The following FBRSL1 variants were observed in gnomAD, a reference collection of about 807,000 sequenced individuals.
The protein encoded by FBRSL1 is fibrosin-1-like protein.
FBRSL1 carries 51 observed loss-of-function variants against 89.6 expected under a neutral mutation model. The ratio of observed to expected loss-of-function variants is 0.57; its 90% CI spans 0.45 to 0.72. FBRSL1 has a LOEUF of 0.72. Among genes scored for constraint, FBRSL1 ranks in the 30% least tolerant of loss-of-function variants. The pLI, the probability that FBRSL1 is intolerant of heterozygous loss-of-function variation, is 0.00. For synonymous variants in FBRSL1, 779 were observed against 681.1 expected, an observed-to-expected ratio of 1.14 and a Z score of -2.24; for missense variants, 1,618 against 1,451.8, an observed-to-expected ratio of 1.11 and a Z score of -1.86.
chr12:132,568,953 C>T (rs571787501), intron 6 of FBRSL1, among the ~76,000 whole-genome samples: 6 of 152,170 alleles, frequency 3.9e-5, no homozygotes, highest in Admixed American at 6.5e-5. Context: ...CAGGGACGGC[C>T]GCAGCTGTCC....
intron 4 of FBRSL1, among the ~76,000 whole-genome samples, chr12:132,533,191 C>T (rs1456636696): frequency 2.7e-5 from 4 of 150,698 alleles, no homozygotes; most frequent in Non-Finnish European, 5.9e-5. Context: ...CAGCCTCTCC[C>T]TGGAGTCAGA....
At chr12:132,513,337 G>T (rs1359370202) in intron 2 of FBRSL1, among the ~76,000 whole-genome samples, 1 of 152,138 alleles carries the variant, frequency 6.6e-6, no homozygotes, top group African/African-American at 2.4e-5. Flanking sequence ...GGCTGCGCCT[G>T]CCCAGGAAGA....
intron 1 of FBRSL1, 41 bp downstream of exon 1, chr12:132,490,902 A>G: frequency 1.8e-6 from 2 of 1,099,914 alleles, no homozygotes; most frequent in Non-Finnish European, 1.2e-6. Context: ...TGAGGCGAGA[A>G]CGGGGCCCGG....
intron 5 of FBRSL1, among the ~76,000 whole-genome samples, chr12:132,563,367 C>A (rs2039305634): frequency 7.6e-6 from 1 of 131,652 alleles, no homozygotes; most frequent in African/African-American, 2.9e-5. Flanking sequence ...CCAGCCCGTA[C>A]CCCACGCCTG....
intron 15 of FBRSL1, among the ~76,000 whole-genome samples, chr12:132,577,174 G>C (rs1257368317): frequency 3.3e-5 from 5 of 150,684 alleles, no homozygotes; most frequent in African/African-American, 1.2e-4. Context: ...GGGTGGACCT[G>C]GGCCTGGGGC....
At chr12:132,540,563 T>C (rs947008951) in intron 4 of FBRSL1, among the ~76,000 whole-genome samples, 33 of 151,526 alleles carry the variant, frequency 2.2e-4, no homozygotes, top group African/African-American at 8.0e-4. Context: ...CCTGCCAGAA[T>C]GGAGGCCAGA....
intron 2 of FBRSL1, chr12:132,511,784 C>T (rs11778): frequency 0.5 from 488,226 of 983,046 alleles, 111,351 homozygotes; most frequent in Non-Finnish European, 0.53. Context: ...CCTCCCGGGT[C>T]CTGACCAGCC....
intron 2 of FBRSL1, chr12:132,509,321 G>T: frequency 8.0e-7 from 1 of 1,248,270 alleles, no homozygotes. Context: ...AGCCCTGCCA[G>T]CCCTCCCAGC....
Position 132,546,823 on chromosome 12 carries a change from G to A in FBRSL1, c.616-1180G>A, listed in dbSNP as rs993041072. Among the ~76,000 whole-genome samples the A allele has an allele frequency of 2.0e-5, 3 of 152,210 alleles. No homozygotes were observed. The highest frequency in any genetic ancestry group is 2.9e-5 in the Non-Finnish European group (2 of 68,026). On this transcript the variant is annotated intron_variant, in intron 4 of 18. Transcript: ENST00000680143. This position sits in a 1 kb window ranked among gnomAD's most constrained non-coding sequence, Gnocchi z 4.0. Reference sequence around the variant, plus strand: ...CATGCGCTGGGAGCAGCACGTTCTCGCTGCAGAGTGTCTGCTAAAGCGCAT... The same window carrying A: ...CATGCGCTGGGAGCAGCACGTTCTCACTGCAGAGTGTCTGCTAAAGCGCAT...
intron 4 of FBRSL1, 140 bp from the exon 5 acceptor site, chr12:132,547,863 T>G (rs2037830479): frequency 2.4e-6 from 2 of 843,238 alleles, no homozygotes; most frequent in African/African-American, 3.4e-5. Context: ...CCCGACCACC[T>G]GGGCCTGCTG....
intron 2 of FBRSL1, among the ~76,000 whole-genome samples, chr12:132,521,087 G>A (rs952955325): frequency 9.9e-5 from 15 of 152,228 alleles, no homozygotes; most frequent in African/African-American, 3.6e-4. Flanking sequence ...TGGGGAACTT[G>A]GAAAGTCTCA....
At chr12:132,527,759 G>T (rs1249381956) in intron 3 of FBRSL1, among the ~76,000 whole-genome samples, 194 bp from the exon 4 acceptor site, 1 of 147,894 alleles carries the variant, frequency 6.8e-6, no homozygotes, top group Non-Finnish European at 1.5e-5. Context: ...GGGCTGTGGG[G>T]CAGGGTTGTG....
rs765385449 is a variant in FBRSL1 at position 132,490,825 on chromosome 12, C to T, written c.255C>T (p.Phe85=). 3.5e-6 allele frequency: 5 copies of T among 1,413,138 alleles called. No individual in the cohort carries two copies. The highest frequency in any genetic ancestry group is 4.6e-6 in the Non-Finnish European group (5 of 1,078,680). The allele number at this position is 1,413,138 out of a possible 1,614,324, so 87.5% of individuals were successfully genotyped here. A position where few individuals can be genotyped will look rare whatever the true frequency, so the allele number is the denominator to read the frequency against. ...SSQEEEVIDG[F]AIASFSTLEA... The stretch of plus-strand genomic sequence containing the variant: ...AGGAGGAGGAGGTCATCGACGGCTT[C>T]GCCATCGCCAGCTTCAGCACCCTGG... Residue 85 remains phenylalanine, a synonymous_variant, in exon 1 of 19, where the codon TTC becomes TTT. Transcript: ENST00000680143.
At position 132,509,666 on chromosome 12, in the gene FBRSL1, A is replaced by G. The variant is rs1022396453; in HGVS notation, c.489+1316A>G. 1.2e-5 allele frequency: 15 copies of G among 1,228,190 alleles called. No homozygotes were observed. The highest frequency in any genetic ancestry group is 4.1e-5 in the South Asian group (1 of 24,170). The allele number at this position is 1,228,190 out of a possible 1,614,324, so 76.1% of individuals were successfully genotyped here. On this transcript the variant is annotated intron_variant, in intron 2 of 18. Coordinates refer to ENST00000680143, the MANE Select transcript of FBRSL1 (RefSeq NM_001367871.1). ...GGCGCCTGCGGTTCCTCCTGGCCCC[A>G]AGGCACCGCTGCAGGCGCCTGCGGT...
Position 132,570,360 on chromosome 12 carries a change from C to T in FBRSL1, c.1033C>T (p.Leu345=). ...LSRSSSAPLG[L]GKHVSLSPHG... ...CAGGAGCAGCAGCGCCCCCCTGGGC[C>T]TGGGGAAGCACGTGTCGCTGTCGCC... Residue 345 remains leucine (L), a synonymous_variant, in exon 8 of 19, where the codon CTG becomes TTG. Transcript: ENST00000680143. 6.5e-7 allele frequency: 1 copy of T among 1,533,132 alleles called. No homozygotes were observed. The highest frequency in any genetic ancestry group is 8.7e-7 in the Non-Finnish European group (1 of 1,145,204). The allele number at this position is 1,533,132 out of a possible 1,614,324, so 95.0% of individuals were successfully genotyped here. A position where few individuals can be genotyped will look rare whatever the true frequency, so the allele number is the denominator to read the frequency against.
intron 14 of FBRSL1, among the ~76,000 whole-genome samples, chr12:132,576,481 C>T (rs2138031721): frequency 6.6e-6 from 1 of 152,354 alleles, no homozygotes; most frequent in Non-Finnish European, 1.5e-5. Context: ...GCGTGAGCCA[C>T]CGTGCCTGGC....
rs112141303 is a variant in FBRSL1 at position 132,576,982 on chromosome 12, C to T, written c.1834+51C>T. On this transcript the variant is annotated intron_variant, in intron 15 of 18. Coordinates refer to ENST00000680143, the MANE Select transcript of FBRSL1 (RefSeq NM_001367871.1). ...GGGGCACAGAAACCTCCCGCTCGTGCCCAGCTGAGCCTGCCTTCCTGTGCC... is the reference window on the plus strand; with the variant it reads ...GGGGCACAGAAACCTCCCGCTCGTGTCCAGCTGAGCCTGCCTTCCTGTGCC... 3.1e-3 allele frequency: 4,638 copies of T among 1,519,374 alleles called. 106 individuals are homozygous for T. The African/African-American group carries it at 0.052, about 17-fold the overall frequency. 94.1% of individuals were successfully genotyped at this position (1,519,374 alleles called of 1,614,324 possible). A position where few individuals can be genotyped will look rare whatever the true frequency, so the allele number is the denominator to read the frequency against.
intron 5 of FBRSL1, among the ~76,000 whole-genome samples, chr12:132,558,249 A>G (rs756132135): frequency 2.6e-5 from 4 of 152,074 alleles, no homozygotes; most frequent in South Asian, 2.1e-4. Flanking sequence ...GGAGTGGCCC[A>G]CCACCTTCCC....
chr12:132,538,327 C>T (rs2036936454), intron 4 of FBRSL1, among the ~76,000 whole-genome samples: 1 of 152,206 alleles, frequency 6.6e-6, no homozygotes, highest in Non-Finnish European at 1.5e-5. Flanking sequence ...ATCCTGGGGC[C>T]AGAGGCAGGG....
Sources: gnomAD v4.1 joint callset for allele counts (sites outside exome capture counted in the v4.1 genomes callset) on GRCh38, gnomAD v4.1.1 for gene constraint, Gnocchi (gnomAD v3.1) non-coding constraint, MANE v1.5 for transcripts, NCBI Gene and HGNC (gene_info 2026-07-23, HGNC 2026-07-21) for gene names.